Variants in PTPRD observed in about 807,000 individuals in gnomAD.
The protein encoded by PTPRD is receptor-type tyrosine-protein phosphatase delta.
A neutral mutation model predicts 214.5 loss-of-function variants in PTPRD; 34 were observed. The ratio of observed to expected loss-of-function variants is 0.16; its 90% CI spans 0.12 to 0.21. The LOEUF (loss-of-function observed/expected upper bound fraction) is 0.21, where lower values mean the gene tolerates loss of function less well. Among genes scored for constraint, PTPRD ranks in the 10% least tolerant of loss-of-function variants. PTPRD has a pLI of 1.00. For missense variants in PTPRD, 2,545 were observed against 2,398.7 expected (o/e 1.06, Z -1.27); for synonymous variants, 1,128 against 845.7 (o/e 1.33, Z -5.79).
chr9:9,997,286 T>A (rs71321212), intron 4 of PTPRD, among the ~76,000 whole-genome samples: 6 of 11,062 alleles, frequency 5.4e-4, no homozygotes, highest in Non-Finnish European at 3.9e-3. Flanking sequence ...AGATAAGCAA[T>A]TTTTTTTTTT....
intron 5 of PTPRD, among the ~76,000 whole-genome samples, chr9:9,854,965 A>C (rs1211491874): frequency 6.6e-6 from 1 of 152,188 alleles, no homozygotes; most frequent in Non-Finnish European, 1.5e-5. Context: ...TAATGGAAGA[A>C]ACATGATACA....
At chr9:8,344,027 C>T (rs756529231) in intron 39 of PTPRD, among the ~76,000 whole-genome samples, 13 of 151,990 alleles carry the variant, frequency 8.6e-5, no homozygotes, top group Non-Finnish European at 1.9e-4. Flanking sequence ...TTGCTGGTCT[C>T]CTGATATGCC....
At chr9:9,915,124 T>TG (rs2080333021) in intron 5 of PTPRD, among the ~76,000 whole-genome samples, 1 of 152,154 alleles carries the variant, frequency 6.6e-6, no homozygotes, top group Admixed American at 6.5e-5. Context: ...GCCTTTAGCA[T>TG]GGGTTAGAGC....
chr9:10,109,410 G>C (rs1330892781), intron 3 of PTPRD, among the ~76,000 whole-genome samples: 1 of 152,130 alleles, frequency 6.6e-6, no homozygotes, highest in African/African-American at 2.4e-5. Context: ...GCTGTAAGAA[G>C]TAAAATAAAA....
intron 11 of PTPRD, among the ~76,000 whole-genome samples, chr9:8,933,635 G>A (rs1468162571): frequency 1.3e-5 from 2 of 151,940 alleles, no homozygotes; most frequent in African/African-American, 2.4e-5. Flanking sequence ...TGACTATAAA[G>A]TATTTTAATG....
At chr9:10,515,879 A>G (rs1443140204) in intron 2 of PTPRD, among the ~76,000 whole-genome samples, 1 of 151,844 alleles carries the variant, frequency 6.6e-6, no homozygotes, top group East Asian at 1.9e-4. Context: ...AATATCCTCA[A>G]GGCTCATCCA....
At chr9:9,872,119 C>G (rs1165054102) in intron 5 of PTPRD, among the ~76,000 whole-genome samples, 1 of 152,128 alleles carries the variant, frequency 6.6e-6, no homozygotes, top group Non-Finnish European at 1.5e-5. Flanking sequence ...TCAGTTTCAT[C>G]TTGCACTTAT....
At chr9:8,658,128 G>C (rs1484465796) in intron 12 of PTPRD, among the ~76,000 whole-genome samples, 1 of 152,140 alleles carries the variant, frequency 6.6e-6, no homozygotes, top group Non-Finnish European at 1.5e-5. Context: ...ATTCTTTTCA[G>C]CTTATTTGGA....
chr9:9,850,802 C>A (rs1261776358), intron 5 of PTPRD, among the ~76,000 whole-genome samples: 1 of 151,956 alleles, frequency 6.6e-6, no homozygotes, highest in Non-Finnish European at 1.5e-5. Context: ...AATATTATAT[C>A]CTTTGACCAA....
At chr9:8,981,985 T>G (rs2099315044) in intron 11 of PTPRD, among the ~76,000 whole-genome samples, 1 of 152,016 alleles carries the variant, frequency 6.6e-6, no homozygotes, top group African/African-American at 2.4e-5. Flanking sequence ...AGATCACTTT[T>G]TAAAAGACTT....
intron 2 of PTPRD, among the ~76,000 whole-genome samples, chr9:10,527,336 A>T (rs2054619747): frequency 6.6e-6 from 1 of 152,260 alleles, no homozygotes; most frequent in South Asian, 2.1e-4. Flanking sequence ...AACAAATGAG[A>T]TAAGAGACTA....
At chr9:8,467,414 G>A (rs2096565610) in intron 31 of PTPRD, among the ~76,000 whole-genome samples, 1 of 151,736 alleles carries the variant, frequency 6.6e-6, no homozygotes, top group African/African-American at 2.4e-5. Flanking sequence ...ATTACTGAGT[G>A]CCAGACACTG....
intron 11 of PTPRD, among the ~76,000 whole-genome samples, chr9:8,929,701 A>ATG (rs1435689583): frequency 6.9e-6 from 1 of 145,496 alleles, no homozygotes; most frequent in East Asian, 2.0e-4. Context: ...GTATATATAT[A>ATG]TGTGTATATA....
chr9:9,562,376 G>A (rs749380100), intron 8 of PTPRD, among the ~76,000 whole-genome samples: 13 of 152,130 alleles, frequency 8.5e-5, no homozygotes, highest in South Asian at 4.1e-4. Context: ...CATTACGGTA[G>A]CCTTTAAAAA....
At chr9:9,507,626 T>C (rs1188177565) in intron 8 of PTPRD, among the ~76,000 whole-genome samples, 1 of 151,396 alleles carries the variant, frequency 6.6e-6, no homozygotes, top group African/African-American at 2.4e-5. Context: ...TTGCAATCAG[T>C]CTTGTGATTC....
At chr9:9,833,725 T>C (rs1040021515) in intron 5 of PTPRD, among the ~76,000 whole-genome samples, 2 of 151,556 alleles carry the variant, frequency 1.3e-5, no homozygotes, top group Non-Finnish European at 2.9e-5. Context: ...CACATTCTCT[T>C]TCTCAGGGAC....
intron 9 of PTPRD, among the ~76,000 whole-genome samples, chr9:9,326,299 G>T (rs762837724): frequency 1.3e-5 from 2 of 152,052 alleles, no homozygotes; most frequent in African/African-American, 4.8e-5. Context: ...GGATAATAGA[G>T]AATAAGAATG....
At chr9:9,659,386 T>C (rs1313495998) in intron 7 of PTPRD, among the ~76,000 whole-genome samples, 2 of 152,066 alleles carry the variant, frequency 1.3e-5, no homozygotes, top group South Asian at 2.1e-4. Context: ...AAAGTAAAAT[T>C]ATGTTGCCAG....
chr9:9,989,604 C>T (rs1375862317), intron 4 of PTPRD, among the ~76,000 whole-genome samples: 3 of 152,136 alleles, frequency 2.0e-5, no homozygotes, highest in African/African-American at 7.2e-5. Context: ...TATTCACCAC[C>T]CTCCAATTTT....
Sources: gnomAD v4.1 joint callset for allele counts (sites outside exome capture counted in the v4.1 genomes callset) on GRCh38, gnomAD v4.1.1 for gene constraint, MANE v1.5 for transcripts, NCBI Gene and HGNC (gene_info 2026-07-23, HGNC 2026-07-21) for gene names.